VPS26A: variants seen among roughly 807,000 people sequenced by gnomAD.
VPS26A encodes VPS26 retromer complex component A, also known as vacuolar protein sorting-associated protein 26A.
VPS26A carries 22 observed loss-of-function variants against 42.4 expected under a neutral mutation model. That is an observed-to-expected ratio of 0.52 (90% CI 0.37 to 0.74). VPS26A has a LOEUF of 0.74. Among genes scored for constraint, VPS26A ranks in the 30% least tolerant of loss-of-function variants. The pLI, the probability that VPS26A is intolerant of heterozygous loss-of-function variation, is 0.00. For synonymous variants in VPS26A, 110 were observed against 123.5 expected (o/e 0.89, Z 0.73); for missense variants, 276 against 379.2 (o/e 0.73, Z 2.26).
intron 2 of VPS26A, among the ~76,000 whole-genome samples, chr10:69,152,909 G>C (rs1841346774): frequency 6.6e-6 from 1 of 151,542 alleles, no homozygotes; most frequent in South Asian, 2.1e-4. Flanking sequence ...GGCAGAGCTT[G>C]CAGTGAGCCA....
chr10:69,138,055 T>C (rs909557048), intron 2 of VPS26A, among the ~76,000 whole-genome samples: 1 of 152,186 alleles, frequency 6.6e-6, no homozygotes, highest in African/African-American at 2.4e-5. Context: ...TGACAACCCC[T>C]GATCTCTGTT....
intron 1 of VPS26A, among the ~76,000 whole-genome samples, 159 bp from the exon 2 acceptor site, chr10:69,132,739 G>A (rs911300358): frequency 6.6e-6 from 1 of 152,042 alleles, no homozygotes; most frequent in Non-Finnish European, 1.5e-5. Flanking sequence ...CACCATGCCC[G>A]GCCTTTGATG....
At chr10:69,141,419 T>TTG (rs1409850807) in intron 2 of VPS26A, among the ~76,000 whole-genome samples, 1 of 140,356 alleles carries the variant, frequency 7.1e-6, no homozygotes, top group Non-Finnish European at 1.5e-5. Flanking sequence ...TGCAGAGTCT[T>TTG]TCACAAGCCA....
Position 69,173,684 on chromosome 10 carries a change from G to A in VPS26A, c.*2415G>A, listed in dbSNP as rs367805719. 2.6e-5 allele frequency among the ~76,000 whole-genome samples: 4 copies of A among 152,212 alleles called. No homozygotes were observed. The highest frequency in any genetic ancestry group is 5.9e-5 in the Non-Finnish European group (4 of 68,042). On this transcript the variant is annotated 3_prime_UTR_variant, in exon 9 of 9. Coordinates refer to ENST00000263559, the MANE Select transcript of VPS26A (RefSeq NM_004896.5). ...CTGGCTAGCTGGAGGTTTGTAAAAT[G>A]TACCAATCAGTGCTTGTGAAAACGC...
At chr10:69,147,750 G>C (rs1324128192) in intron 2 of VPS26A, among the ~76,000 whole-genome samples, 1 of 152,030 alleles carries the variant, frequency 6.6e-6, no homozygotes, top group Non-Finnish European at 1.5e-5. Flanking sequence ...GTCCTGCTCT[G>C]TCGCCAGGCT....
chr10:69,157,078 C>T lies in VPS26A; in HGVS notation c.301C>T (p.Leu101=), dbSNP rs959249968. 2 of 1,613,482 alleles carry T rather than the reference C, an allele frequency of 1.2e-6. No individual in the cohort carries two copies. Among genetic ancestry groups the T allele is most frequent in the Admixed American group, 1.7e-5 (1 of 59,974 alleles). The part of the protein sequence containing the change: ...LVKELALPGE[L]TQSRSYDFEF... ...GAAAGAACTAGCCTTACCTGGAGAA[C>T]TGACTCAGAGCAGAAGTTATGATTT... Residue 101 remains leucine, a synonymous_variant, in exon 4 of 9, where the codon CTG becomes TTG. Transcript: ENST00000263559.
At chr10:69,167,742 C>CAAAAAAAA (rs35974356) in intron 7 of VPS26A, among the ~76,000 whole-genome samples, 3 of 66,328 alleles carry the variant, frequency 4.5e-5, no homozygotes, top group African/African-American at 6.3e-5. Flanking sequence ...GACTCCATCT[C>CAAAAAAAA]AAAAAAAAAA....
intron 2 of VPS26A, among the ~76,000 whole-genome samples, chr10:69,142,730 C>A (rs1841071074): frequency 7.1e-6 from 1 of 141,530 alleles, no homozygotes; most frequent in Non-Finnish European, 1.6e-5. Context: ...AGCTTTCCCC[C>A]CACTATTCAA....
intron 2 of VPS26A, among the ~76,000 whole-genome samples, chr10:69,150,731 A>G (rs943984433): frequency 2.6e-5 from 4 of 152,066 alleles, no homozygotes; most frequent in African/African-American, 9.7e-5. Context: ...TACATATGAA[A>G]TGTTTAGGGG....
At chr10:69,153,830 C>T (rs955106147) in intron 2 of VPS26A, among the ~76,000 whole-genome samples, 11 of 152,114 alleles carry the variant, frequency 7.2e-5, no homozygotes, top group Admixed American at 2.6e-4. Context: ...TTTCCTTTTT[C>T]TGATTTCTCT....
intron 2 of VPS26A, among the ~76,000 whole-genome samples, chr10:69,146,307 A>G (rs1177568061): frequency 6.6e-6 from 1 of 152,126 alleles, no homozygotes; most frequent in Non-Finnish European, 1.5e-5. Context: ...GGCTGGTCTC[A>G]AACTTCTGAC....
rs748858610 is a variant in VPS26A at position 69,166,117 on chromosome 10, C to G, written c.727+7C>G. 2 of 1,612,328 alleles carry G rather than the reference C, an allele frequency of 1.2e-6. No individual in the cohort carries two copies. The highest frequency in any genetic ancestry group is 8.5e-7 in the Non-Finnish European group (1 of 1,178,746). ...GATGGTGCACCAGTAAAAGGTAACACACTTTTCAGTTACTTCTTTTGTATA... is the reference window on the plus strand; with the variant it reads ...GATGGTGCACCAGTAAAAGGTAACAGACTTTTCAGTTACTTCTTTTGTATA... On this transcript the variant is annotated splice_region_variant and intron_variant, in intron 7 of 8. Transcript: ENST00000263559.
intron 2 of VPS26A, among the ~76,000 whole-genome samples, chr10:69,153,468 C>G (rs749240494): frequency 3.3e-5 from 5 of 151,836 alleles, no homozygotes; most frequent in Non-Finnish European, 5.9e-5. Context: ...CACAGTCTCC[C>G]TAGTAGCTGG....
At chr10:69,163,766 CTTTTTTTT>C (rs869154106) in intron 6 of VPS26A, among the ~76,000 whole-genome samples, 2 of 133,612 alleles carry the variant, frequency 1.5e-5, no homozygotes, top group Non-Finnish European at 3.2e-5. Flanking sequence ...TTTCAGTTTT[CTTTTTTTT>C]TTTTTTTTTG....
At chr10:69,159,690 A>T (rs1227676852) in intron 5 of VPS26A, among the ~76,000 whole-genome samples, 1 of 152,200 alleles carries the variant, frequency 6.6e-6, no homozygotes, top group East Asian at 1.9e-4. Context: ...ATATCATTCT[A>T]AATATAACTA....
chr10:69,144,349 C>T (rs1841108882), intron 2 of VPS26A, among the ~76,000 whole-genome samples: 1 of 152,280 alleles, frequency 6.6e-6, no homozygotes, highest in African/African-American at 2.4e-5. Context: ...ATGTATCCAT[C>T]ATTGTGATAT....
chr10:69,148,473 C>T (rs1841213115), intron 2 of VPS26A, among the ~76,000 whole-genome samples: 1 of 152,172 alleles, frequency 6.6e-6, no homozygotes, highest in South Asian at 2.1e-4. Flanking sequence ...TGGACTATGA[C>T]AGCAGTTGCA....
At chr10:69,145,726 C>T (rs200168913) in intron 2 of VPS26A, among the ~76,000 whole-genome samples, 1 of 146,246 alleles carries the variant, frequency 6.8e-6, no homozygotes, top group Non-Finnish European at 1.5e-5. Context: ...TTTTTCTTTT[C>T]TTTTTTTTTT....
chr10:69,124,867 G>C (rs1840616225), intron 1 of VPS26A, among the ~76,000 whole-genome samples: 1 of 152,236 alleles, frequency 6.6e-6, no homozygotes, highest in South Asian at 2.1e-4. Context: ...TTTAACTCCA[G>C]AGACACCCGT....
Sources: gnomAD v4.1 joint callset for allele counts (sites outside exome capture counted in the v4.1 genomes callset) on GRCh38, gnomAD v4.1.1 for gene constraint, MANE v1.5 for transcripts, NCBI Gene and HGNC (gene_info 2026-07-23, HGNC 2026-07-21) for gene names.